The following CSMD1 variants were observed in gnomAD, a reference collection of about 807,000 sequenced individuals.
CSMD1 encodes the protein CUB and sushi domain-containing protein 1.
A neutral mutation model predicts 417.5 loss-of-function variants in CSMD1; 213 were observed. That is an observed-to-expected ratio of 0.51 (90% CI 0.46 to 0.57). The LOEUF (loss-of-function observed/expected upper bound fraction) is 0.57. Among genes scored for constraint, CSMD1 ranks in the 20% least tolerant of loss-of-function variants. The pLI, the probability that CSMD1 is intolerant of heterozygous loss-of-function variation, is 0.00. For synonymous variants in CSMD1, 2,862 were observed against 1,736.8 expected (o/e 1.65, Z -16.11); for missense variants, 6,923 against 4,529.7 (o/e 1.53, Z -15.17).
At chr8:3,671,522 TATGATCATATATATATATATATGATC>T (rs1269137245) in intron 7 of CSMD1, among the ~76,000 whole-genome samples, 149 of 8,128 alleles carry the variant, frequency 0.018, 19 homozygotes, top group Middle Eastern at 0.071. Context: ...TGATCATATA[TATGATCATATATATATATATATGATC>T]ATATATATGA....
At chr8:4,824,049 T>G (rs577658247) in intron 1 of CSMD1, among the ~76,000 whole-genome samples, 5 of 149,908 alleles carry the variant, frequency 3.3e-5, no homozygotes, top group African/African-American at 1.2e-4. Flanking sequence ...CACCCACACA[T>G]GCACACATAC....
chr8:3,741,246 CAGA>C (rs1036743490), intron 6 of CSMD1, among the ~76,000 whole-genome samples: 1 of 119,154 alleles, frequency 8.4e-6, no homozygotes, highest in Non-Finnish European at 1.7e-5. Context: ...AAAAAACATA[CAGA>C]AGAAGAAGGT....
chr8:4,422,979 T>G (rs1421426800), intron 2 of CSMD1, among the ~76,000 whole-genome samples: 1 of 151,652 alleles, frequency 6.6e-6, no homozygotes, highest in Non-Finnish European at 1.5e-5. Flanking sequence ...TAATAATCAT[T>G]GAACATGAGA....
At chr8:4,640,117 G>C (rs148476200) in intron 1 of CSMD1, among the ~76,000 whole-genome samples, 2 of 152,322 alleles carry the variant, frequency 1.3e-5, no homozygotes, top group African/African-American at 4.8e-5. Flanking sequence ...CAGATGAACA[G>C]ATATGAAGAT....
intron 1 of CSMD1, among the ~76,000 whole-genome samples, chr8:4,814,306 C>T (rs1251673934): frequency 6.6e-6 from 1 of 152,132 alleles, no homozygotes; most frequent in African/African-American, 2.4e-5. Context: ...AGCGCAATGG[C>T]ACAAACTCAG....
Position 4,396,605 on chromosome 8 carries a change from G to A in CSMD1, c.415+23348C>T, listed in dbSNP as rs71523629. The stretch of plus-strand genomic sequence containing the variant: ...TGCCCATCAAGCAATGAGTGCATAA[G>A]GAAAATGTGATACACACACACACAC... On this transcript the variant is annotated intron_variant, in intron 3 of 69. Transcript: ENST00000635120. 8.3e-3 allele frequency among the ~76,000 whole-genome samples: 1,216 copies of A among 146,916 alleles called. 4 individuals carry two copies. The highest frequency in any genetic ancestry group is 0.012 in the Admixed American group (180 of 14,520).
intron 16 of CSMD1, 108 bp downstream of exon 16, chr8:3,399,281 TGC>T: frequency 1.0e-6 from 1 of 980,460 alleles, no homozygotes; most frequent in Non-Finnish European, 1.5e-6. Context: ...TGTGCTCCTA[TGC>T]GGGAACCGAA....
rs185770973 is a variant in CSMD1, at chr8:3,408,325, G to C, written c.1745-100C>G. 1.6e-4 allele frequency: 124 copies of C among 752,104 alleles called. No homozygotes were observed. The African/African-American group carries it at 2.1e-3, about 12-fold the overall frequency. The allele number at this position is 752,104 out of a possible 1,614,324, so 46.6% of individuals were successfully genotyped here. ...GAACCTGGAAAGGCAATTCATGCCT[G>C]CAAATAGCTATGATGATCCAACTAT... On this transcript the variant is annotated intron_variant, in intron 13 of 69. Transcript: ENST00000635120.
At chr8:4,227,386 T>C (rs1006458691) in intron 3 of CSMD1, among the ~76,000 whole-genome samples, 7 of 152,096 alleles carry the variant, frequency 4.6e-5, no homozygotes, top group African/African-American at 1.7e-4. Context: ...CCCTATTCTA[T>C]CCACTTATAA....
intron 3 of CSMD1, among the ~76,000 whole-genome samples, chr8:4,223,523 C>T (rs116033413): frequency 1.3e-5 from 2 of 152,226 alleles, no homozygotes; most frequent in Non-Finnish European, 2.9e-5. Context: ...TACCACACCA[C>T]TGCTCGTTAA....
At chr8:3,633,174 T>C (rs1404401736) in intron 7 of CSMD1, among the ~76,000 whole-genome samples, 1 of 152,334 alleles carries the variant, frequency 6.6e-6, no homozygotes, top group East Asian at 1.9e-4. Flanking sequence ...ACATCATATA[T>C]GATGAACACA....
intron 7 of CSMD1, among the ~76,000 whole-genome samples, chr8:3,665,304 C>T (rs190781968): frequency 9.2e-5 from 14 of 152,152 alleles, no homozygotes; most frequent in Middle Eastern, 3.4e-3. Context: ...CTGAGGTGGG[C>T]GGATGGCCTG....
At chr8:4,748,803 A>T (rs1811119359) in intron 1 of CSMD1, among the ~76,000 whole-genome samples, 1 of 152,250 alleles carries the variant, frequency 6.6e-6, no homozygotes, top group South Asian at 2.1e-4. Flanking sequence ...TGTTAGCATC[A>T]CCATTGTGAA....
At chr8:4,698,584 T>C (rs1335654056) in intron 1 of CSMD1, among the ~76,000 whole-genome samples, 1 of 138,270 alleles carries the variant, frequency 7.2e-6, no homozygotes, top group Admixed American at 8.0e-5. Flanking sequence ...TTTTATACAA[T>C]GGAAATGATA....
At chr8:3,873,426 C>A (rs1449850542) in intron 5 of CSMD1, among the ~76,000 whole-genome samples, 1 of 152,048 alleles carries the variant, frequency 6.6e-6, no homozygotes, top group Non-Finnish European at 1.5e-5. Context: ...AACTGGAGGC[C>A]ATTATCTTTA....
chr8:4,477,357 G>C (rs1800859885), intron 2 of CSMD1, among the ~76,000 whole-genome samples: 1 of 152,186 alleles, frequency 6.6e-6, no homozygotes, highest in African/African-American at 2.4e-5. Context: ...TGGCAGCCGA[G>C]GGGCTCTCCA....
chr8:3,455,877 G>A (rs1033997981), intron 12 of CSMD1, among the ~76,000 whole-genome samples: 26 of 152,220 alleles, frequency 1.7e-4, no homozygotes, highest in African/African-American at 6.3e-4. Context: ...GGTTTCTGCT[G>A]TCTTTTGTTT....
chr8:3,709,957 C>G (rs1392416132), intron 6 of CSMD1, among the ~76,000 whole-genome samples: 2 of 151,508 alleles, frequency 1.3e-5, no homozygotes, highest in South Asian at 2.1e-4. Flanking sequence ...TGACCAACCC[C>G]CAACCCCCAC....
intron 3 of CSMD1, among the ~76,000 whole-genome samples, chr8:4,039,364 ACT>A (rs1479150984): frequency 2.6e-5 from 4 of 151,880 alleles, no homozygotes; most frequent in Non-Finnish European, 4.4e-5. Flanking sequence ...TCTTCACCCC[ACT>A]CTCTCTCCTG....
Sources: gnomAD v4.1 joint callset for allele counts (sites outside exome capture counted in the v4.1 genomes callset) on GRCh38, gnomAD v4.1.1 for gene constraint, MANE v1.5 for transcripts, NCBI Gene and HGNC (gene_info 2026-07-23, HGNC 2026-07-21) for gene names.